CEP57L1: variants seen among roughly 807,000 people sequenced by gnomAD.
The protein encoded by CEP57L1 is centrosomal protein CEP57L1.
CEP57L1 carries 37 observed loss-of-function variants against 61.0 expected under a neutral mutation model. That is an observed-to-expected ratio of 0.61 (90% CI 0.47 to 0.80). CEP57L1 has a LOEUF of 0.80. Ranked by LOEUF, CEP57L1 falls within the 30% of genes least tolerant of loss-of-function variation. The pLI, the probability that CEP57L1 is intolerant of heterozygous loss-of-function variation, is 0.00. For synonymous variants in CEP57L1, 137 were observed against 162.3 expected (o/e 0.84, Z 1.19); for missense variants, 422 against 524.7 (o/e 0.80, Z 1.91).
Position 109,165,076 on chromosome 6 carries a change from CA to C in CEP57L1, c.*2123del, listed in dbSNP as rs201301791. Among the ~76,000 whole-genome samples the C allele has an allele frequency of 0.043, 3,493 of 81,714 alleles. 92 individuals carry two copies. Among genetic ancestry groups the C allele is most frequent in the African/African-American group, 0.12 (2,861 of 24,458 alleles). The allele number at this position is 81,714 out of a possible 152,430, so 53.6% of individuals were successfully genotyped here. ...CTGGTGACACAGCAAGACTCTGTCT[CA>C]AAAAAAAAAAAAAAAATTAAAACCA... On this transcript the variant is annotated 3_prime_UTR_variant, in exon 11 of 11. Transcript: ENST00000517392.
chr6:109,144,921 T>C (rs1771793205), intron 1 of CEP57L1, among the ~76,000 whole-genome samples: 1 of 152,028 alleles, frequency 6.6e-6, no homozygotes, highest in African/African-American at 2.4e-5. Context: ...ATGATAGGTA[T>C]ATGGGATTTA....
chr6:109,105,428 A>G (rs1331021356), intron 1 of CEP57L1, among the ~76,000 whole-genome samples: 1 of 152,226 alleles, frequency 6.6e-6, no homozygotes, highest in African/African-American at 2.4e-5. Flanking sequence ...CATAGTGAAT[A>G]TTGAATAGCC....
Position 109,163,039 on chromosome 6 carries a change from A to T in CEP57L1, c.*69A>T, listed in dbSNP as rs1773863425. 1.1e-6 allele frequency: 1 copy of T among 934,786 alleles called. No homozygotes were observed. Among genetic ancestry groups the T allele is most frequent in the Admixed American group, 2.4e-5 (1 of 42,210 alleles). 57.9% of individuals were successfully genotyped at this position (934,786 alleles called of 1,614,324 possible). On this transcript the variant is annotated 3_prime_UTR_variant, in exon 11 of 11. Coordinates refer to ENST00000517392, the MANE Select transcript of CEP57L1 (RefSeq NM_001271852.3). ...CCTTGAATTGTCTAAAGTGGTTTTA[A>T]TTTAATATAACTTTGTGACATTTTG...
chr6:109,146,629 G>T, intron 2 of CEP57L1, 129 bp from the exon 3 acceptor site: 1 of 582,956 alleles, frequency 1.7e-6, no homozygotes, highest in Non-Finnish European at 2.9e-6. Context: ...ATTTTTTGAA[G>T]AATATGCATT....
intron 1 of CEP57L1, among the ~76,000 whole-genome samples, chr6:109,118,051 T>G (rs1162318655): frequency 1.3e-5 from 2 of 152,228 alleles, no homozygotes; most frequent in African/African-American, 4.8e-5. Flanking sequence ...TGTTGTTGTT[T>G]TTGAGACGGA....
chr6:109,158,337 A>T (rs1773413073), intron 7 of CEP57L1: 1 of 222,702 alleles, frequency 4.5e-6, no homozygotes, highest in Non-Finnish European at 9.0e-6. Context: ...AAAATACAAA[A>T]ATTAGCCAGG....
chr6:109,134,367 T>A (rs1774564846), intron 1 of CEP57L1, among the ~76,000 whole-genome samples: 1 of 152,200 alleles, frequency 6.6e-6, no homozygotes, highest in African/African-American at 2.4e-5. Flanking sequence ...CAACAGCCCT[T>A]CATGCTAAAA....
rs1179485460 is a variant in CEP57L1 at position 109,168,875 on chromosome 6, C to T, written c.*5905C>T. Among the ~76,000 whole-genome samples, 1 of 149,434 alleles carries T rather than the reference C, an allele frequency of 6.7e-6. No homozygotes were observed. ...TGTCCCAAAGTGCTGGGATTACAGG[C>T]GTGAGCCACCATGCCTGGCCAGCAT... On this transcript the variant is annotated 3_prime_UTR_variant, in exon 11 of 11. Transcript: ENST00000517392.
Position 109,153,821 on chromosome 6 carries a change from T to TA in CEP57L1, c.463-11dup, listed in dbSNP as rs1458932941. The TA allele has an allele frequency of 1.3e-6, 2 of 1,562,088 alleles. No homozygotes were observed. The highest frequency in any genetic ancestry group is 1.7e-5 in the Admixed American group (1 of 57,846). Reference sequence around the variant, plus strand: ...AAATTCAGGGTTGCTATTTTATTTTTATCCTTTCTAGGCCCAGCTTCAGAG... The same window carrying TA: ...AAATTCAGGGTTGCTATTTTATTTTTAATCCTTTCTAGGCCCAGCTTCAGAG... On this transcript the variant is annotated splice_polypyrimidine_tract_variant and intron_variant, in intron 4 of 10. Transcript: ENST00000517392.
At chr6:109,100,300 A>T (rs1484305476) in intron 1 of CEP57L1, 1 of 152,230 alleles carries the variant, frequency 6.6e-6, no homozygotes, top group Admixed American at 6.5e-5. Flanking sequence ...TGGCATATTT[A>T]TCTATCATTT....
intron 1 of CEP57L1, among the ~76,000 whole-genome samples, chr6:109,114,883 A>C (rs1772100430): frequency 6.6e-6 from 1 of 152,196 alleles, no homozygotes. Context: ...TAAATATTTG[A>C]GGTGATGGAT....
chr6:109,132,071 A>G (rs896384104), intron 1 of CEP57L1, among the ~76,000 whole-genome samples: 2 of 152,204 alleles, frequency 1.3e-5, no homozygotes, highest in Non-Finnish European at 2.9e-5. Flanking sequence ...CCTCATCACA[A>G]TCCGATGCTC....
At chr6:109,114,979 A>G (rs1164148041) in intron 1 of CEP57L1, among the ~76,000 whole-genome samples, 1 of 152,156 alleles carries the variant, frequency 6.6e-6, no homozygotes, top group Admixed American at 6.5e-5. Context: ...TACAATTATT[A>G]TTTGCCAATT....
chr6:109,120,670 A>C (rs1179337065), intron 1 of CEP57L1, among the ~76,000 whole-genome samples: 3 of 151,700 alleles, frequency 2.0e-5, no homozygotes, highest in African/African-American at 7.2e-5. Context: ...TATTTATAGC[A>C]CACAAATTAT....
intron 1 of CEP57L1, among the ~76,000 whole-genome samples, chr6:109,116,127 GTGTTATGTTATGTTATGTTATGTTA>G (rs34528428): frequency 2.2e-5 from 3 of 135,370 alleles, no homozygotes; most frequent in Admixed American, 7.6e-5. Flanking sequence ...GTTATGTGTT[GTGTTATGTTATGTTATGTTATGTTA>G]TGTTATGTTA....
intron 1 of CEP57L1, among the ~76,000 whole-genome samples, chr6:109,104,014 A>G (rs1277178138): frequency 6.6e-6 from 1 of 150,816 alleles, no homozygotes; most frequent in Non-Finnish European, 1.5e-5. Flanking sequence ...AAATGTTAAC[A>G]TTTTACCTAG....
intron 1 of CEP57L1, among the ~76,000 whole-genome samples, chr6:109,101,313 CCTTTA>C (rs1476292930): frequency 1.1e-3 from 164 of 152,224 alleles, no homozygotes; most frequent in African/African-American, 3.8e-3. Context: ...TAGACTGGCT[CCTTTA>C]CTTAGCAATG....
intron 4 of CEP57L1, 39 bp downstream of exon 4, chr6:109,150,278 G>T: frequency 6.4e-7 from 1 of 1,570,840 alleles, no homozygotes. Flanking sequence ...ATATAATTTT[G>T]TATGTTTTTG....
intron 1 of CEP57L1, among the ~76,000 whole-genome samples, chr6:109,103,710 A>T (rs984309429): frequency 3.3e-5 from 5 of 152,132 alleles, no homozygotes; most frequent in African/African-American, 1.2e-4. Context: ...TAATGGATAG[A>T]TTTTTAAAAA....
Sources: gnomAD v4.1 joint callset for allele counts (sites outside exome capture counted in the v4.1 genomes callset) on GRCh38, gnomAD v4.1.1 for gene constraint, MANE v1.5 for transcripts, NCBI Gene and HGNC (gene_info 2026-07-23, HGNC 2026-07-21) for gene names.